The following ZNF143 variants were observed in gnomAD, a reference collection of about 807,000 sequenced individuals.
The protein encoded by ZNF143 is zinc finger protein 143.
Under a neutral mutation model 74.1 loss-of-function variants are expected in ZNF143, and 49 were observed. That is an observed-to-expected ratio of 0.66 (90% CI 0.53 to 0.84). The LOEUF is 0.84. Ranked by LOEUF, ZNF143 falls within the 40% of genes least tolerant of loss-of-function variation. The probability of loss-of-function intolerance (pLI) is 0.00; values close to 1 mark genes in which losing one functional copy is unlikely to be tolerated. For missense variants in ZNF143, 637 were observed against 793.4 expected (o/e 0.80, Z 2.37); for synonymous variants, 304 against 282.8 (o/e 1.07, Z -0.75).
chr11:9,483,984 G>C (rs11042383), intron 7 of ZNF143, among the ~76,000 whole-genome samples: 5 of 150,536 alleles, frequency 3.3e-5, no homozygotes, highest in Admixed American at 6.6e-5. Flanking sequence ...TCTTGACCTC[G>C]TGATCCGCCC....
chr11:9,469,928 G>A (rs1275088487), intron 1 of ZNF143, among the ~76,000 whole-genome samples: 2 of 152,224 alleles, frequency 1.3e-5, no homozygotes, highest in African/African-American at 4.8e-5. Flanking sequence ...TGAAGGTACA[G>A]TTTATAGTAT....
intron 1 of ZNF143, among the ~76,000 whole-genome samples, chr11:9,462,959 A>C (rs1855961481): frequency 6.6e-6 from 1 of 151,930 alleles, no homozygotes. Flanking sequence ...CCCAAAAGAA[A>C]CTATACCCGT....
At chr11:9,466,904 G>T (rs1056731121) in intron 1 of ZNF143, among the ~76,000 whole-genome samples, 9 of 151,158 alleles carry the variant, frequency 6.0e-5, no homozygotes, top group South Asian at 2.1e-4. Flanking sequence ...GTGTGTGTGT[G>T]TTTTTTTGAC....
At chr11:9,490,016 A>T (rs760632246) in intron 7 of ZNF143, among the ~76,000 whole-genome samples, 1 of 151,960 alleles carries the variant, frequency 6.6e-6, no homozygotes, top group Non-Finnish European at 1.5e-5. Flanking sequence ...CTCCATTTCT[A>T]CAATTTTTTT....
intron 13 of ZNF143, among the ~76,000 whole-genome samples, chr11:9,513,437 G>A (rs1848620725): frequency 6.6e-6 from 1 of 152,160 alleles, no homozygotes; most frequent in South Asian, 2.1e-4. Flanking sequence ...TTTTAATTCT[G>A]CATCAGCCTT....
chr11:9,522,447 A>G (rs1848968154), intron 14 of ZNF143, among the ~76,000 whole-genome samples: 1 of 151,950 alleles, frequency 6.6e-6, no homozygotes, highest in South Asian at 2.1e-4. Context: ...TTACATGTAT[A>G]TTAACTAGGT....
At chr11:9,498,603 TCTC>T (rs1848051411) in intron 10 of ZNF143, among the ~76,000 whole-genome samples, 1 of 152,132 alleles carries the variant, frequency 6.6e-6, no homozygotes, top group Admixed American at 6.6e-5. Flanking sequence ...GACCATCTCC[TCTC>T]CTCCTTATAT....
rs1202981932 is a variant in ZNF143 at position 9,486,368 on chromosome 11, TATA to T, written c.645+6826_645+6828del. On this transcript the variant is annotated intron_variant, in intron 7 of 15. Transcript: ENST00000396602. ...ATATATATATTATATATATATTATATATAATATATTATATATATAATATATATA... is the reference window on the plus strand; with the variant it reads ...ATATATATATTATATATATATTATATATATATTATATATATAATATATATA... Among the ~76,000 whole-genome samples, 115 of 42,832 alleles carry T rather than the reference TATA, an allele frequency of 2.7e-3. 7 individuals are homozygous for T. Among genetic ancestry groups the T allele is most frequent in the African/African-American group, 0.011 (109 of 9,686 alleles). 28.1% of individuals were successfully genotyped at this position (42,832 alleles called of 152,430 possible). A position where few individuals can be genotyped will look rare whatever the true frequency, so the allele number is the denominator to read the frequency against.
At chr11:9,479,946 TTTC>T (rs1443433099) in intron 7 of ZNF143, among the ~76,000 whole-genome samples, 5 of 152,224 alleles carry the variant, frequency 3.3e-5, no homozygotes, top group Admixed American at 6.5e-5. Context: ...TATTTTTAAA[TTTC>T]TTCTTCTTCC....
intron 12 of ZNF143, among the ~76,000 whole-genome samples, chr11:9,509,073 T>C (rs1352234539): frequency 1.3e-5 from 2 of 152,032 alleles, no homozygotes; most frequent in East Asian, 1.9e-4. Flanking sequence ...TTTGGAGAGA[T>C]CTTGAGGTTG....
chr11:9,485,824 A>G (rs1313029642), intron 7 of ZNF143, among the ~76,000 whole-genome samples: 3 of 151,590 alleles, frequency 2.0e-5, no homozygotes, highest in Admixed American at 2.0e-4. Context: ...CAAGTTAACA[A>G]ACACCAGATT....
At chr11:9,488,018 A>T (rs1191732016) in intron 7 of ZNF143, among the ~76,000 whole-genome samples, 2 of 152,150 alleles carry the variant, frequency 1.3e-5, no homozygotes, top group African/African-American at 2.4e-5. Context: ...TTATGATTAT[A>T]CAAACTTCTT....
chr11:9,515,125 C>CA lies in ZNF143; in HGVS notation c.1525-1067dup, dbSNP rs201806023. 2.1e-3 allele frequency among the ~76,000 whole-genome samples: 322 copies of CA among 150,650 alleles called. 2 individuals are homozygous for CA. Among genetic ancestry groups the CA allele is most frequent in the African/African-American group, 6.9e-3 (282 of 41,066 alleles). On this transcript the variant is annotated intron_variant, in intron 13 of 15. Coordinates refer to ENST00000396602, the MANE Select transcript of ZNF143 (RefSeq NM_003442.6). ...CCTGGGCAACAAGAGTGAAACTCCT[C>CA]AAAAAAAAAGTCTGAACTATAGGTG... is the stretch of plus-strand genomic sequence containing the variant.
At chr11:9,514,077 T>C (rs1484197128) in intron 13 of ZNF143, among the ~76,000 whole-genome samples, 1 of 152,140 alleles carries the variant, frequency 6.6e-6, no homozygotes, top group Non-Finnish European at 1.5e-5. Context: ...AACATGTTTT[T>C]TTCAGAGGTG....
intron 1 of ZNF143, among the ~76,000 whole-genome samples, chr11:9,469,438 G>T (rs527668069): frequency 5.3e-5 from 8 of 151,746 alleles, no homozygotes; most frequent in African/African-American, 1.9e-4. Context: ...CACCTTGTTG[G>T]TCAGGCTGAT....
chr11:9,461,981 C>T (rs1361914405), intron 1 of ZNF143: 1 of 152,158 alleles, frequency 6.6e-6, no homozygotes, highest in East Asian at 1.9e-4. Flanking sequence ...AGATTGTGGT[C>T]GGCTTTGTCC....
intron 7 of ZNF143, among the ~76,000 whole-genome samples, chr11:9,483,214 G>A (rs1372301001): frequency 6.8e-6 from 1 of 146,904 alleles, no homozygotes; most frequent in East Asian, 2.0e-4. Flanking sequence ...GGTTGGTCTC[G>A]AACTCCTGAC....
At position 9,512,591 on chromosome 11, in the gene ZNF143, C is replaced by A. The variant is rs1452524531; in HGVS notation, c.1519C>A (p.Gln507Lys). The A allele has an allele frequency of 6.2e-7, 1 of 1,614,042 alleles. No individual in the cohort carries two copies. Among genetic ancestry groups the A allele is most frequent in the Admixed American group, 1.7e-5 (1 of 59,994 alleles). The part of the protein sequence containing the change: ...QVTLISQDGT[Q>K]HVNISQADMQ... Reference sequence around the variant, plus strand: ...TACACTCATATCCCAGGATGGGACTCAGCATGTAAGTATCCACCAAAAGCC... The same window carrying A: ...TACACTCATATCCCAGGATGGGACTAAGCATGTAAGTATCCACCAAAAGCC... The change falls in exon 13 of 16, where the codon CAG becomes AAG. Residue 507 changes from glutamine to lysine, a missense_variant. Gln to Lys is a moderately conservative substitution (Grantham distance 53). Around this residue, in one of 2 missense-constraint regions of ZNF143, gnomAD observed 344 missense variants for 485.6 expected, o/e 0.71. Coordinates refer to ENST00000396602, the MANE Select transcript of ZNF143 (RefSeq NM_003442.6).
At chr11:9,464,093 T>A (rs1590480509) in intron 1 of ZNF143, among the ~76,000 whole-genome samples, 1 of 148,408 alleles carries the variant, frequency 6.7e-6, no homozygotes, top group South Asian at 2.1e-4. Context: ...TGTTTGTGTG[T>A]GTGTGTGTGT....
Sources: allele counts gnomAD v4.1 joint callset (sites outside exome capture counted in the v4.1 genomes callset), GRCh38; gene constraint gnomAD v4.1.1; regional missense constraint gnomAD v4.1.1; transcripts MANE v1.5; gene names NCBI Gene and HGNC (gene_info 2026-07-23, HGNC 2026-07-21).